R3HDM2: variants seen among roughly 807,000 people sequenced by gnomAD.
The protein encoded by R3HDM2 is R3H domain-containing protein 2.
Under a neutral mutation model 124.5 loss-of-function variants are expected in R3HDM2, and 38 were observed. The ratio of observed to expected loss-of-function variants is 0.31; its 90% CI spans 0.24 to 0.40. The LOEUF is 0.40. Among genes scored for constraint, R3HDM2 ranks in the 10% least tolerant of loss-of-function variants. The pLI is 1.00. For synonymous variants in R3HDM2, 391 were observed against 448.0 expected (o/e 0.87, Z 1.61); for missense variants, 869 against 1,236.9 (o/e 0.70, Z 4.46).
chr12:57,268,539 A>C, intron 17 of R3HDM2, 82 bp from the exon 18 acceptor site: 1 of 1,415,738 alleles, frequency 7.1e-7, no homozygotes, highest in Non-Finnish European at 9.8e-7. Flanking sequence ...TCACGAGATC[A>C]GGGCATTACA....
At chr12:57,427,628 G>C (rs1425649561) in intron 1 of R3HDM2, among the ~76,000 whole-genome samples, 1 of 151,938 alleles carries the variant, frequency 6.6e-6, no homozygotes, top group African/African-American at 2.4e-5. Context: ...GGGACTATAG[G>C]TGTGAGCCAC....
chr12:57,373,673 G>C (rs1439524200), intron 2 of R3HDM2, among the ~76,000 whole-genome samples: 2 of 151,888 alleles, frequency 1.3e-5, no homozygotes, highest in African/African-American at 4.8e-5. Context: ...GCGGGGGGTG[G>C]TGGCGCATGC....
At chr12:57,255,697 T>C (rs549777854) in intron 23 of R3HDM2, among the ~76,000 whole-genome samples, 5 of 152,262 alleles carry the variant, frequency 3.3e-5, no homozygotes, top group Non-Finnish European at 7.4e-5. Context: ...CTACCAAAGG[T>C]AGATGTCGTA....
Position 57,296,276 on chromosome 12 carries a change from C to T in R3HDM2, c.701+135G>A, listed in dbSNP as rs1242265323. On this transcript the variant is annotated intron_variant, in intron 9 of 23. Coordinates refer to ENST00000402412, the MANE Select transcript of R3HDM2 (RefSeq NM_001394031.1). The surrounding 1 kb of genome is among the most constrained non-coding windows in gnomAD (Gnocchi z 4.5). The stretch of plus-strand genomic sequence containing the variant: ...CAAGCAGTCTTCCCATCTTGGCCTC[C>T]CAAAGTGCTGGGATTACAGGTGTGA... The T allele has an allele frequency of 9.6e-7, 1 of 1,045,016 alleles. No homozygotes were observed. The allele number at this position is 1,045,016 out of a possible 1,614,324, so 64.7% of individuals were successfully genotyped here.
intron 2 of R3HDM2, among the ~76,000 whole-genome samples, chr12:57,391,261 G>T (rs527668758): frequency 5.3e-5 from 8 of 152,098 alleles, no homozygotes; most frequent in African/African-American, 1.7e-4. Context: ...CAATCAAAAG[G>T]AACAAATTAT....
intron 22 of R3HDM2, 166 bp from the exon 23 acceptor site, chr12:57,256,240 C>T: frequency 1.1e-6 from 1 of 877,044 alleles, no homozygotes; most frequent in Non-Finnish European, 1.8e-6. Flanking sequence ...AGAGCCCCTC[C>T]CTCTTGGCAT....
chr12:57,257,707 T>C (rs1565821130), intron 21 of R3HDM2, among the ~76,000 whole-genome samples: 1 of 152,230 alleles, frequency 6.6e-6, no homozygotes, highest in South Asian at 2.1e-4. Context: ...TTAAACTCTT[T>C]GGTCATTAGA....
At chr12:57,288,295 C>T (rs1415034314) in intron 12 of R3HDM2, among the ~76,000 whole-genome samples, 1 of 151,978 alleles carries the variant, frequency 6.6e-6, no homozygotes, top group Non-Finnish European at 1.5e-5. Flanking sequence ...TGAGTCACCG[C>T]GCCTGGCCAG....
chr12:57,425,456 G>A (rs755619470), intron 1 of R3HDM2, among the ~76,000 whole-genome samples: 1 of 152,064 alleles, frequency 6.6e-6, no homozygotes, highest in Non-Finnish European at 1.5e-5. Context: ...CCTCGCAAAG[G>A]TTTAAGCAAA....
Position 57,419,895 on chromosome 12 carries a change from T to C in R3HDM2, c.-106+10825A>G, listed in dbSNP as rs2070022522. Among the ~76,000 whole-genome samples the C allele has an allele frequency of 2.0e-5, 3 of 152,022 alleles. No homozygotes were observed. In the South Asian group the frequency reaches 6.2e-4, roughly 32 times the overall value. On this transcript the variant is annotated intron_variant, in intron 1 of 23. Transcript: ENST00000402412. ...ATCTCTCCCACTCTCTCAACAGCTA[T>C]TCGAACTTGCCTCTCTTCTCAAGGC...
intron 2 of R3HDM2, among the ~76,000 whole-genome samples, chr12:57,365,984 G>A (rs2062598500): frequency 6.6e-6 from 1 of 151,646 alleles, no homozygotes; most frequent in Admixed American, 6.6e-5. Flanking sequence ...TCTTCAGTGA[G>A]TTTTCCAGAT....
chr12:57,256,338 G>A (rs1286460095), intron 22 of R3HDM2, 76 bp downstream of exon 22: 1 of 1,249,072 alleles, frequency 8.0e-7, no homozygotes, highest in African/African-American at 1.5e-5. Flanking sequence ...ATACCCAGCT[G>A]GTTGAAGCTC....
At chr12:57,273,154 G>A (rs2043960721) in intron 14 of R3HDM2, among the ~76,000 whole-genome samples, 1 of 152,086 alleles carries the variant, frequency 6.6e-6, no homozygotes, top group South Asian at 2.1e-4. Flanking sequence ...GCCTGCTTCT[G>A]GCTACTTCCT....
chr12:57,256,322 C>T (rs1708886466), intron 22 of R3HDM2, 92 bp downstream of exon 22: 4 of 1,136,650 alleles, frequency 3.5e-6, no homozygotes, highest in Non-Finnish European at 5.0e-6. Context: ...GTGTTATTTC[C>T]CTTGTATACC....
intron 2 of R3HDM2, among the ~76,000 whole-genome samples, chr12:57,342,501 C>CAG (rs1422420234): frequency 6.6e-6 from 1 of 151,356 alleles, no homozygotes; most frequent in East Asian, 1.9e-4. Context: ...CACAGACACA[C>CAG]ACACACACAC....
intron 2 of R3HDM2, among the ~76,000 whole-genome samples, chr12:57,377,129 A>T (rs1341311637): frequency 1.7e-5 from 2 of 117,932 alleles, no homozygotes; most frequent in African/African-American, 3.1e-5. Context: ...TCAGAAAAAA[A>T]AAAAAAATTA....
intron 2 of R3HDM2, among the ~76,000 whole-genome samples, chr12:57,342,951 C>T (rs1291661320): frequency 6.6e-6 from 1 of 151,928 alleles, no homozygotes; most frequent in Non-Finnish European, 1.5e-5. Flanking sequence ...TATTTGCCCC[C>T]AAAGGAAGGG....
chr12:57,340,739 CAT>C (rs1401355760), intron 2 of R3HDM2, among the ~76,000 whole-genome samples: 4 of 152,120 alleles, frequency 2.6e-5, no homozygotes, highest in South Asian at 2.1e-4. Flanking sequence ...TACTTTTCCA[CAT>C]ATGTTACCTA....
chr12:57,383,137 G>A (rs1342723360), intron 2 of R3HDM2, among the ~76,000 whole-genome samples: 1 of 151,954 alleles, frequency 6.6e-6, no homozygotes, highest in African/African-American at 2.4e-5. Context: ...TTATAGGCGT[G>A]AGCCACAGCG....
Sources: allele counts gnomAD v4.1 joint callset (sites outside exome capture counted in the v4.1 genomes callset), GRCh38; gene constraint gnomAD v4.1.1; non-coding constraint Gnocchi (gnomAD v3.1); transcripts MANE v1.5; gene names NCBI Gene and HGNC (gene_info 2026-07-23, HGNC 2026-07-21).